Variants in TMLHE observed in about 807,000 individuals in gnomAD.
TMLHE encodes trimethyllysine dioxygenase, mitochondrial.
A neutral mutation model predicts 25.7 loss-of-function variants in TMLHE; 18 were observed. The observed-to-expected ratio is 0.70, with a 90% CI of 0.48 to 1.04. The LOEUF (loss-of-function observed/expected upper bound fraction) is 1.04, where lower values mean the gene tolerates loss of function less well. Among genes scored for constraint, TMLHE ranks in the 50% least tolerant of loss-of-function variants. TMLHE has a pLI of 0.00. For missense variants in TMLHE, 236 were observed against 259.0 expected, an observed-to-expected ratio of 0.91 and a Z score of 0.61; for synonymous variants, 105 against 97.0, an observed-to-expected ratio of 1.08 and a Z score of -0.49.
At chrX:155,556,101 T>C (rs1304486861) in intron 1 of TMLHE, among the ~76,000 whole-genome samples, 1 of 109,502 alleles carries the variant, frequency 9.1e-6, no homozygotes, top group Non-Finnish European at 1.9e-5. Context: ...AGATTTTTCA[T>C]TGGCTTTGAA....
At position 155,610,050 on chromosome X, in the gene TMLHE, T is replaced by C. The variant is rs187593564; in HGVS notation, c.-2+2742A>G. Among the ~76,000 whole-genome samples, 158 of 112,038 alleles carry C rather than the reference T, an allele frequency of 1.4e-3. 1 individual carries two copies. Among genetic ancestry groups the C allele is most frequent in the African/African-American group, 4.3e-3 (132 of 30,865 alleles). On this transcript the variant is annotated intron_variant, in intron 1 of 7. Transcript: ENST00000334398. The stretch of plus-strand genomic sequence containing the variant: ...ACTCATAGGTGTTTAACCAAGAGAA[T>C]TGAAAACGAATGTCCACCCAAAAAC...
intron 1 of TMLHE, among the ~76,000 whole-genome samples, chrX:155,589,722 C>T (rs782382416): frequency 4.5e-5 from 5 of 111,184 alleles, no homozygotes; most frequent in African/African-American, 1.6e-4. Context: ...ATAATCTATA[C>T]CAGAGTGACT....
Position 155,511,733 on chromosome X carries a change from G to A in TMLHE, c.698C>T (p.Ala233Val), listed in dbSNP as rs199674307. ...FTSDFSRGDT[A>V]YTKLALDRHT... ...CCGATCCAGAGCTAGCTTGGTGTAC[G>A]CAGTGTCACCTCTGGAGAAGTCTGA... is the stretch of plus-strand genomic sequence containing the variant. The change falls in exon 5 of 8, where the codon GCG becomes GTG. Residue 233 changes from alanine to valine, a missense_variant. Physicochemically the swap from Ala to Val is moderately conservative, Grantham distance 64 (BLOSUM62 0). This residue lies in a region of TMLHE where 217 missense variants were observed against 214.6 expected (regional missense o/e 1.01). Transcript: ENST00000334398. 1.3e-5 allele frequency: 15 copies of A among 1,198,984 alleles called. No individual in the cohort carries two copies. Among genetic ancestry groups the A allele is most frequent in the Admixed American group, 4.4e-5 (2 of 45,434 alleles).
rs782082267 is a variant in TMLHE at position 155,577,588 on chromosome X, A to G, written c.-1-32311T>C. 6.4e-4 allele frequency among the ~76,000 whole-genome samples: 71 copies of G among 110,418 alleles called. No homozygotes were observed. The South Asian group carries it at 0.024, about 38-fold the overall frequency. ...AAGCGAGACTCTGTCTCAAAAAAAA[A>G]AAAAATAGAAAAATGTAAATTAAAA... is the stretch of plus-strand genomic sequence containing the variant. On this transcript the variant is annotated intron_variant, in intron 1 of 7. Transcript: ENST00000334398.
rs782002333 is a variant in TMLHE at position 155,531,126 on chromosome X, C to T, written c.182-6494G>A. Among the ~76,000 whole-genome samples the T allele has an allele frequency of 3.1e-4, 35 of 112,164 alleles. 1 individual carries two copies. Among genetic ancestry groups the T allele is most frequent in the Non-Finnish European group, 6.0e-4 (32 of 53,253 alleles). On this transcript the variant is annotated intron_variant, in intron 2 of 7. Transcript: ENST00000334398. ...CACACTGAAGAGAGACTGGAAATGG[C>T]TCCAGTTATTTACATGTCTCTGGAT...
At chrX:155,548,460 GCA>G (rs1239339467) in intron 1 of TMLHE, among the ~76,000 whole-genome samples, 2 of 110,747 alleles carry the variant, frequency 1.8e-5, no homozygotes, top group Admixed American at 1.9e-4. Context: ...TACAGGCTGG[GCA>G]CGGTGGCTCA....
At chrX:155,513,261 A>G (rs1179449532) in intron 4 of TMLHE, among the ~76,000 whole-genome samples, 1 of 111,622 alleles carries the variant, frequency 9.0e-6, no homozygotes, top group Non-Finnish European at 1.9e-5. Flanking sequence ...CAATCTATAT[A>G]CCACCCAAAA....
chrX:155,511,651 T>C (rs781884757), intron 5 of TMLHE, 22 bp downstream of exon 5: 1 of 1,177,603 alleles, frequency 8.5e-7, no homozygotes, highest in Non-Finnish European at 1.1e-6. Context: ...GACTTTACAC[T>C]GTAAAAGTCT....
At position 155,524,585 on chromosome X, in the gene TMLHE, G is replaced by A. The variant is rs781889971; in HGVS notation, c.229C>T (p.Arg77Ter). The A allele has an allele frequency of 9.3e-5, 112 of 1,202,187 alleles. No homozygotes were observed. Among genetic ancestry groups the A allele is most frequent in the Admixed American group, 2.7e-4 (12 of 45,119 alleles). Reference protein sequence around the residue: ...TVMRFDYVWLRDHCRSASCYN... With the variant: ...TVMRFDYVWL ...CACGATGCTGAGCGGCAGTGGTCTC[G>A]AAGCCAGACGTAATCAAAGCGCATC... Residue 77 changes from arginine (R) to a stop codon, truncating the protein, a stop_gained, in exon 3 of 8, where the codon CGA (arginine) becomes TGA (stop). Coordinates refer to ENST00000334398, the MANE Select transcript of TMLHE (RefSeq NM_018196.4). LOFTEE classifies it high-confidence loss of function.
At chrX:155,527,216 T>A (rs2067224763) in intron 2 of TMLHE, among the ~76,000 whole-genome samples, 1 of 111,290 alleles carries the variant, frequency 9.0e-6, no homozygotes, top group Admixed American at 9.5e-5. Flanking sequence ...TGGTGGGAGG[T>A]GATTGGATCA....
At chrX:155,513,833 A>G (rs1557334197) in intron 4 of TMLHE, among the ~76,000 whole-genome samples, 153 bp downstream of exon 4, 1 of 111,763 alleles carries the variant, frequency 8.9e-6, no homozygotes, top group East Asian at 2.8e-4. Flanking sequence ...TCCAGACCTC[A>G]AATAAAGTAC....
chrX:155,557,314 T>G (rs1183729052), intron 1 of TMLHE, among the ~76,000 whole-genome samples: 1 of 112,097 alleles, frequency 8.9e-6, no homozygotes, highest in African/African-American at 3.2e-5. Context: ...GGGGAACTAA[T>G]AAATGTCTAT....
intron 1 of TMLHE, among the ~76,000 whole-genome samples, chrX:155,555,987 G>T: frequency 9.1e-6 from 1 of 110,180 alleles, no homozygotes; most frequent in Non-Finnish European, 1.9e-5. Flanking sequence ...TTTCTTCTAG[G>T]GTTTTTATGG....
At chrX:155,549,812 G>T (rs1213644989) in intron 1 of TMLHE, among the ~76,000 whole-genome samples, 4 of 109,316 alleles carry the variant, frequency 3.7e-5, no homozygotes, top group Non-Finnish European at 5.7e-5. Context: ...AACCATGGTG[G>T]TTTGCTGCAC....
chrX:155,589,512 A>T (rs2067683789), intron 1 of TMLHE, among the ~76,000 whole-genome samples: 1 of 111,977 alleles, frequency 8.9e-6, no homozygotes, highest in Non-Finnish European at 1.9e-5. Flanking sequence ...AACTGGAGTT[A>T]AGTGAAATAA....
intron 1 of TMLHE, among the ~76,000 whole-genome samples, chrX:155,607,821 A>G (rs964161850): frequency 9.0e-6 from 1 of 111,609 alleles, no homozygotes; most frequent in Non-Finnish European, 1.9e-5. Flanking sequence ...AGACATAAAA[A>G]AAATAAAATA....
chrX:155,582,638 G>T (rs782608202), intron 1 of TMLHE, among the ~76,000 whole-genome samples: 1 of 112,098 alleles, frequency 8.9e-6, no homozygotes, highest in South Asian at 3.7e-4. Flanking sequence ...TTTCACACCA[G>T]TTAGAATGGC....
rs1406309592 is a variant in TMLHE, at chrX:155,524,506, C to T, written c.308G>A (p.Cys103Tyr). The T allele has an allele frequency of 8.3e-7, 1 of 1,207,704 alleles. No individual in the cohort carries two copies. ...CAGACGAATGGTCTTTGGCTTGATA[C>T]ATAAATCCACACTGGCAGTATCCAG... ...RSLDTASVDL[C>Y]IKPKTIRLDE... The change falls in exon 3 of 8, where the codon TGT (cysteine) becomes TAT (tyrosine). Residue 103 changes from cysteine (C) to tyrosine (Y), a missense_variant. Cys to Tyr is a radical substitution (Grantham distance 194). This residue lies in a region of TMLHE where 217 missense variants were observed against 214.6 expected (regional missense o/e 1.01). Coordinates refer to ENST00000334398, the MANE Select transcript of TMLHE (RefSeq NM_018196.4).
At position 155,491,644 on chromosome X, in the gene TMLHE, C is replaced by T. The variant is rs782159754; in HGVS notation, c.1157G>A (p.Arg386His). Residue 386 changes from arginine (R) to histidine (H), a missense_variant, in exon 8 of 8, where the codon CGT becomes CAT. Physicochemically the swap from Arg to His is conservative, Grantham distance 29. This residue lies in a region of TMLHE where 19 missense variants were observed against 44.4 expected (regional missense o/e 0.43). Transcript: ENST00000334398. ...PGRVLFIDNW[R>H]VLHGRECFTG... Reference sequence around the variant, plus strand: ...GAAGCATTCCCTGCCATGTAGGACACGCCAGTTGTCTATAAATAGGACCTG... The same window carrying T: ...GAAGCATTCCCTGCCATGTAGGACATGCCAGTTGTCTATAAATAGGACCTG... The T allele has an allele frequency of 5.9e-5, 47 of 800,717 alleles. 1 individual carries two copies. The South Asian group carries it at 7.9e-4, about 14-fold the overall frequency. 66.0% of individuals were successfully genotyped at this position (800,717 alleles called of 1,213,427 possible). A position where few individuals can be genotyped will look rare whatever the true frequency, so the allele number is the denominator to read the frequency against.
Sources: allele counts gnomAD v4.1 joint callset (sites outside exome capture counted in the v4.1 genomes callset), GRCh38; gene constraint gnomAD v4.1.1; regional missense constraint gnomAD v4.1.1; transcripts MANE v1.5; gene names NCBI Gene and HGNC (gene_info 2026-07-23, HGNC 2026-07-21).